The following RFX3 variants were observed in gnomAD, a reference collection of about 807,000 sequenced individuals.
RFX3 encodes the protein transcription factor RFX3.
A neutral mutation model predicts 98.6 loss-of-function variants in RFX3; 14 were observed. That is an observed-to-expected ratio of 0.14 (90% CI 0.09 to 0.22). RFX3 has a LOEUF of 0.22. Ranked by LOEUF, RFX3 falls within the 10% of genes least tolerant of loss-of-function variation. The pLI is 1.00. For synonymous variants in RFX3, 383 were observed against 328.4 expected, an observed-to-expected ratio of 1.17 and a Z score of -1.80; for missense variants, 639 against 926.9, an observed-to-expected ratio of 0.69 and a Z score of 4.03.
chr9:3,218,572 A>G lies in RFX3; in HGVS notation c.*6470T>C, dbSNP rs1403318452. ...TGCCAATTTTGAGAGGACATGATATACTAAAAGATTTAGCATTTCTCACAA... is the reference window on the plus strand; with the variant it reads ...TGCCAATTTTGAGAGGACATGATATGCTAAAAGATTTAGCATTTCTCACAA... On this transcript the variant is annotated 3_prime_UTR_variant, in exon 17 of 17. Coordinates refer to ENST00000617270, the MANE Select transcript of RFX3 (RefSeq NM_001282116.2). 3 of 152,218 alleles carry G rather than the reference A, an allele frequency of 2.0e-5. No individual in the cohort carries two copies. The highest frequency in any genetic ancestry group is 4.4e-5 in the Non-Finnish European group (3 of 68,032). 9.4% of individuals were successfully genotyped at this position (152,218 alleles called of 1,614,324 possible).
intron 1 of RFX3, among the ~76,000 whole-genome samples, chr9:3,504,182 CATATTATATATTATATATATTATA>C (rs1816394587): frequency 1.2e-5 from 1 of 85,278 alleles, no homozygotes; most frequent in Non-Finnish European, 1.8e-5. Flanking sequence ...ATATATTATA[CATATTATATATTATATATATTATA>C]TATATTATAT....
chr9:3,225,749 T>C (rs1326844328), intron 16 of RFX3, among the ~76,000 whole-genome samples: 6 of 152,192 alleles, frequency 3.9e-5, no homozygotes. Flanking sequence ...AAGACCTATG[T>C]TGATTCTTAA....
chr9:3,219,665 T>C lies in RFX3; in HGVS notation c.*5377A>G, dbSNP rs912480563. On this transcript the variant is annotated 3_prime_UTR_variant, in exon 17 of 17. Transcript: ENST00000617270. The stretch of plus-strand genomic sequence containing the variant: ...CAGGTCTACTGGCACATAAAATCAC[T>C]AGCAGCAATGATCAAGGCATGCAAA... The C allele has an allele frequency of 6.6e-6, 1 of 152,160 alleles. No individual in the cohort carries two copies. The highest frequency in any genetic ancestry group is 2.4e-5 in the African/African-American group (1 of 41,440). The allele number at this position is 152,160 out of a possible 1,614,324, so 9.4% of individuals were successfully genotyped here.
At chr9:3,464,623 T>C (rs559639089) in intron 1 of RFX3, among the ~76,000 whole-genome samples, 22 of 152,252 alleles carry the variant, frequency 1.4e-4, no homozygotes, top group African/African-American at 4.8e-4. Flanking sequence ...GGGTAAAGGA[T>C]TGACTACAAA....
rs775968268 is a variant in RFX3, at chr9:3,456,919, C to T, written c.-8-61323G>A. Among the ~76,000 whole-genome samples the T allele has an allele frequency of 4.6e-5, 7 of 151,784 alleles. No homozygotes were observed. In the South Asian group the frequency reaches 1.2e-3, roughly 27 times the overall value. ...ATCCCAGCACTCTGGGAGGCTGAGG[C>T]GGGTGGATCATGAGGTCAAGAGATC... On this transcript the variant is annotated intron_variant, in intron 1 of 16. Transcript: ENST00000617270.
chr9:3,479,143 C>T (rs757100020), intron 1 of RFX3, among the ~76,000 whole-genome samples: 26 of 152,178 alleles, frequency 1.7e-4, no homozygotes, highest in Admixed American at 7.9e-4. Flanking sequence ...GTTAAAATAT[C>T]GCAGACCCCA....
chr9:3,352,316 G>A (rs1264697471), intron 2 of RFX3, among the ~76,000 whole-genome samples: 2 of 151,814 alleles, frequency 1.3e-5, no homozygotes, highest in African/African-American at 2.4e-5. Flanking sequence ...ATATAAACAA[G>A]AATAGAAGGA....
chr9:3,416,401 A>G (rs764356616), intron 1 of RFX3, among the ~76,000 whole-genome samples: 2 of 152,148 alleles, frequency 1.3e-5, no homozygotes, highest in African/African-American at 4.8e-5. Flanking sequence ...ACATTATGCT[A>G]TGTTGGGCCT....
intron 1 of RFX3, among the ~76,000 whole-genome samples, chr9:3,476,976 C>T (rs993445918): frequency 3.3e-5 from 5 of 152,132 alleles, no homozygotes; most frequent in Non-Finnish European, 5.9e-5. Context: ...AGATAACACA[C>T]CCTAGTGAGA....
chr9:3,333,504 C>G (rs559559762), intron 3 of RFX3, among the ~76,000 whole-genome samples: 163 of 150,050 alleles, frequency 1.1e-3, no homozygotes, highest in African/African-American at 3.7e-3. Context: ...CTCATCACTG[C>G]TATATTTCCC....
At chr9:3,515,495 C>A (rs757209379) in intron 1 of RFX3, among the ~76,000 whole-genome samples, 4 of 152,108 alleles carry the variant, frequency 2.6e-5, no homozygotes, top group Admixed American at 1.3e-4. Flanking sequence ...CCACCTCAAG[C>A]CCCCACACCC....
At chr9:3,341,510 C>T (rs527858371) in intron 3 of RFX3, among the ~76,000 whole-genome samples, 11 of 152,156 alleles carry the variant, frequency 7.2e-5, no homozygotes, top group African/African-American at 2.4e-4. Context: ...TTGGAAGGGG[C>T]TGAAAAGCAT....
chr9:3,338,862 G>T (rs929443533), intron 3 of RFX3, among the ~76,000 whole-genome samples: 2 of 152,166 alleles, frequency 1.3e-5, no homozygotes, highest in African/African-American at 4.8e-5. Flanking sequence ...GGCCAAGACA[G>T]GCAGATCACA....
chr9:3,424,611 C>T (rs1157881787), intron 1 of RFX3, among the ~76,000 whole-genome samples: 3 of 151,912 alleles, frequency 2.0e-5, no homozygotes, highest in South Asian at 2.1e-4. Flanking sequence ...CCGCCCGCCT[C>T]GGCCTCCCAA....
intron 7 of RFX3, among the ~76,000 whole-genome samples, chr9:3,282,931 G>T (rs1826101416): frequency 6.6e-6 from 1 of 151,762 alleles, no homozygotes; most frequent in Non-Finnish European, 1.5e-5. Context: ...GATCTTGCAT[G>T]TAATGTGTTT....
At chr9:3,509,734 G>A (rs1177894793) in intron 1 of RFX3, among the ~76,000 whole-genome samples, 1 of 151,920 alleles carries the variant, frequency 6.6e-6, no homozygotes, top group Non-Finnish European at 1.5e-5. Context: ...AAAAAATATG[G>A]AGTTCAAAAT....
chr9:3,309,307 T>C (rs1335728589), intron 4 of RFX3, among the ~76,000 whole-genome samples: 1 of 152,068 alleles, frequency 6.6e-6, no homozygotes, highest in Non-Finnish European at 1.5e-5. Context: ...AACAAAGATA[T>C]AGCAACCCTT....
chr9:3,365,833 T>A (rs1449689978), intron 2 of RFX3, among the ~76,000 whole-genome samples: 2 of 151,968 alleles, frequency 1.3e-5, no homozygotes, highest in African/African-American at 4.8e-5. Flanking sequence ...CTCATGTGTT[T>A]AACTGTGTCT....
At chr9:3,300,885 A>T (rs1026098683) in intron 5 of RFX3, among the ~76,000 whole-genome samples, 2 of 151,880 alleles carry the variant, frequency 1.3e-5, no homozygotes, top group Non-Finnish European at 2.9e-5. Context: ...TACACTTACC[A>T]GTGTCATAGT....
Sources: gnomAD v4.1 joint callset for allele counts (sites outside exome capture counted in the v4.1 genomes callset) on GRCh38, gnomAD v4.1.1 for gene constraint, MANE v1.5 for transcripts, NCBI Gene and HGNC (gene_info 2026-07-23, HGNC 2026-07-21) for gene names.